The following PPP2R5C variants were observed in gnomAD, a reference collection of about 807,000 sequenced individuals.
PPP2R5C encodes the protein protein phosphatase 2 regulatory subunit B'gamma, also known as serine/threonine-protein phosphatase 2A 56 kDa regulatory subunit gamma isoform.
A neutral mutation model predicts 68.9 loss-of-function variants in PPP2R5C; 7 were observed. That is an observed-to-expected ratio of 0.10 (90% confidence interval 0.06 to 0.19). PPP2R5C has a LOEUF of 0.19. Ranked by LOEUF, PPP2R5C falls within the 10% of genes least tolerant of loss-of-function variation. The pLI is 1.00. For missense variants in PPP2R5C, 348 were observed against 641.3 expected (o/e 0.54, Z 4.94); for synonymous variants, 210 against 222.2 (o/e 0.95, Z 0.49).
exon 14 of PPP2R5C, chr14:101,925,281 G>A: frequency 6.2e-7 from 1 of 1,611,718 alleles, no homozygotes; most frequent in Admixed American, 1.7e-5. Context: ...AGCCTCCGGG[G>A]CGCCGCGTCG....
intron 1 of PPP2R5C, among the ~76,000 whole-genome samples, chr14:101,821,463 G>GTGTA (rs1402574303): frequency 6.6e-6 from 1 of 150,840 alleles, no homozygotes; most frequent in Admixed American, 6.6e-5. Context: ...GTGTGTGTGT[G>GTGTA]TGTGTGTGTG....
chr14:101,853,115 T>G (rs1231153470), intron 1 of PPP2R5C, among the ~76,000 whole-genome samples: 1 of 152,148 alleles, frequency 6.6e-6, no homozygotes. Flanking sequence ...GAAAATAAGA[T>G]TTTTAAAATA....
intron 2 of PPP2R5C, among the ~76,000 whole-genome samples, chr14:101,872,787 G>A (rs1429783588): frequency 6.6e-6 from 1 of 151,956 alleles, no homozygotes; most frequent in Non-Finnish European, 1.5e-5. Context: ...TTTAGAGTTT[G>A]TTTATAATTT....
At chr14:101,761,705 C>CGCCGCCGCCGTGGCT (rs2036544491), upstream of PPP2R5C, 2 of 461,468 alleles carry the variant, frequency 4.3e-6, no homozygotes, top group Non-Finnish European at 5.6e-6. Flanking sequence ...CCGCCGCCGC[C>CGCCGCCGCCGTGGCT]GCCGCCGCCG....
intron 8 of PPP2R5C, among the ~76,000 whole-genome samples, chr14:101,897,983 CCT>C (rs904429525): frequency 6.8e-6 from 1 of 147,532 alleles, no homozygotes; most frequent in African/African-American, 2.6e-5. Context: ...AGTGAGACCT[CCT>C]CTCTACCAAA....
chr14:101,768,024 G>A (rs1246829955), intron 2 of PPP2R5C, among the ~76,000 whole-genome samples: 2 of 152,140 alleles, frequency 1.3e-5, no homozygotes, highest in Non-Finnish European at 2.9e-5. Context: ...CTTGACTGTG[G>A]GGCAAGATAT....
Position 101,890,139 on chromosome 14 carries a change from G to A in PPP2R5C, c.630-98G>A, listed in dbSNP as rs1016773811. ...GAGCAGTGTTTGCACAAATAGATGC[G>A]CTTCTTGTTGCCTGGCTCCATGGCT... On this transcript the variant is annotated intron_variant, in intron 5 of 13. Coordinates refer to ENST00000334743, the Ensembl canonical transcript of PPP2R5C. 26 of 1,102,282 alleles carry A rather than the reference G, an allele frequency of 2.4e-5. No individual in the cohort carries two copies. The East Asian group carries it at 2.9e-4, about 12-fold the overall frequency. 68.3% of individuals were successfully genotyped at this position (1,102,282 alleles called of 1,614,324 possible).
In PPP2R5C at chr14:101,915,985, A is replaced by G. The variant is rs984169571; in HGVS notation, c.1327-1846A>G. 6.6e-6 allele frequency among the ~76,000 whole-genome samples: 1 copy of G among 152,150 alleles called. No individual in the cohort carries two copies. Among genetic ancestry groups the G allele is most frequent in the African/African-American group, 2.4e-5 (1 of 41,416 alleles). ...GCGGCAGAGGTAGAGAAAAGCAGGGACACAGTGGGTGACAGGTGTCGGTCC... is the reference window on the plus strand; with the variant it reads ...GCGGCAGAGGTAGAGAAAAGCAGGGGCACAGTGGGTGACAGGTGTCGGTCC... On this transcript the variant is annotated intron_variant, in intron 12 of 13. Coordinates refer to ENST00000334743, the Ensembl canonical transcript of PPP2R5C. The surrounding 1 kb of genome is among the most constrained non-coding windows in gnomAD (Gnocchi z 4.2).
exon 14 of PPP2R5C, chr14:101,925,389 C>G: frequency 1.4e-6 from 2 of 1,449,784 alleles, no homozygotes; most frequent in Non-Finnish European, 1.8e-6. Context: ...GGACCCCGTT[C>G]CGTAGGCAAT....
rs915617416 is a variant in PPP2R5C at position 101,829,119 on chromosome 14, A to G, written c.94+19083A>G. Among the ~76,000 whole-genome samples the G allele has an allele frequency of 2.0e-5, 3 of 151,930 alleles. No homozygotes were observed. In the East Asian group the frequency reaches 5.8e-4, roughly 29 times the overall value. On this transcript the variant is annotated intron_variant, in intron 1 of 13. Coordinates refer to ENST00000334743, the Ensembl canonical transcript of PPP2R5C. Reference sequence around the variant, plus strand: ...TGAGTCTGGTTGGCGTGTTCCTGGTATTTAGTGGAACTCTGGTCAACACAG... The same window carrying G: ...TGAGTCTGGTTGGCGTGTTCCTGGTGTTTAGTGGAACTCTGGTCAACACAG...
intron 2 of PPP2R5C, among the ~76,000 whole-genome samples, chr14:101,870,185 T>C (rs1728641558): frequency 6.6e-6 from 1 of 151,974 alleles, no homozygotes; most frequent in South Asian, 2.1e-4. Context: ...TTAAGTGTCT[T>C]GTACAGAGCA....
chr14:101,761,678 CGCCGCCGCT>C (rs1195709114), upstream of PPP2R5C: 3 of 215,680 alleles, frequency 1.4e-5, no homozygotes, highest in East Asian at 1.9e-4. Flanking sequence ...GGCGGAGAGA[CGCCGCCGCT>C]GCCGCCGCCG....
At chr14:101,850,160 T>G (rs1230659565) in intron 1 of PPP2R5C, among the ~76,000 whole-genome samples, 1 of 152,070 alleles carries the variant, frequency 6.6e-6, no homozygotes. Context: ...CGGGGATGGG[T>G]GCAAGGGGCC....
chr14:101,794,065 T>C (rs960936017), intron 3 of PPP2R5C, among the ~76,000 whole-genome samples: 2 of 152,192 alleles, frequency 1.3e-5, no homozygotes, highest in African/African-American at 2.4e-5. Flanking sequence ...TGGGTGGTTT[T>C]GGAAAAGGCA....
upstream of PPP2R5C, among the ~76,000 whole-genome samples, chr14:101,805,511 A>G (rs898744551): frequency 1.3e-5 from 2 of 152,200 alleles, no homozygotes; most frequent in Non-Finnish European, 2.9e-5. Context: ...GGAAAAAAAT[A>G]AAAATAGAAC....
At chr14:101,770,057 C>T (rs1037063288) in intron 2 of PPP2R5C, among the ~76,000 whole-genome samples, 1 of 152,120 alleles carries the variant, frequency 6.6e-6, no homozygotes, top group Admixed American at 6.6e-5. Context: ...ATTTGTATAT[C>T]TAAACATAGA....
At chr14:101,875,040 C>T (rs183690752) in intron 2 of PPP2R5C, among the ~76,000 whole-genome samples, 11 of 152,206 alleles carry the variant, frequency 7.2e-5, no homozygotes, top group Non-Finnish European at 1.2e-4. Context: ...GCGCCTAGCC[C>T]GTAAGTTTTT....
Position 101,883,420 on chromosome 14 carries a change from T to G in PPP2R5C, c.499-12T>G. ...TGACACCCAGCCACTAAGTGTCTTT[T>G]TCTTCTCAAAGCTTTTAGAGCTCTT... On this transcript the variant is annotated splice_polypyrimidine_tract_variant and intron_variant, in intron 4 of 13. Transcript: ENST00000334743. 1 of 1,612,634 alleles carries G rather than the reference T, an allele frequency of 6.2e-7. No homozygotes were observed. The highest frequency in any genetic ancestry group is 8.5e-7 in the Non-Finnish European group (1 of 1,179,742).
At chr14:101,848,763 G>C (rs1337653371) in intron 1 of PPP2R5C, among the ~76,000 whole-genome samples, 1 of 152,146 alleles carries the variant, frequency 6.6e-6, no homozygotes, top group African/African-American at 2.4e-5. Context: ...GAGGCCAGAG[G>C]GTGGGTGTGT....
Sources: gnomAD v4.1 joint callset for allele counts (sites outside exome capture counted in the v4.1 genomes callset) on GRCh38, gnomAD v4.1.1 for gene constraint, Gnocchi (gnomAD v3.1) non-coding constraint, MANE v1.5 for transcripts, NCBI Gene and HGNC (gene_info 2026-07-23, HGNC 2026-07-21) for gene names.